The following PTPRA variants were observed in gnomAD, a reference collection of about 807,000 sequenced individuals.
PTPRA encodes protein tyrosine phosphatase receptor type A.
In PTPRA, 25 loss-of-function variants were observed where a neutral mutation model predicts 104.8. The observed-to-expected ratio is 0.24, with a 90% CI of 0.17 to 0.33. PTPRA has a LOEUF of 0.33. PTPRA is among the 10% of genes least tolerant of loss of function. The pLI, the probability that PTPRA is intolerant of heterozygous loss-of-function variation, is 1.00. For synonymous variants in PTPRA, 323 were observed against 368.9 expected (o/e 0.88, Z 1.43); for missense variants, 765 against 1,015.3 (o/e 0.75, Z 3.35).
intron 2 of PTPRA, among the ~76,000 whole-genome samples, chr20:2,943,151 G>A (rs896689040): frequency 4.0e-5 from 6 of 150,748 alleles, no homozygotes; most frequent in South Asian, 4.2e-4. Context: ...TACAGTTTAC[G>A]TAGGGTTCAG....
intron 13 of PTPRA, among the ~76,000 whole-genome samples, chr20:3,019,667 G>C (rs957782192): frequency 1.3e-5 from 2 of 152,172 alleles, no homozygotes; most frequent in Non-Finnish European, 2.9e-5. Flanking sequence ...CTTCCCAGAC[G>C]GGGTGGCGGC....
At chr20:2,878,964 G>T (rs2089899801) in intron 1 of PTPRA, among the ~76,000 whole-genome samples, 1 of 152,218 alleles carries the variant, frequency 6.6e-6, no homozygotes, top group East Asian at 1.9e-4. Flanking sequence ...TTTAGAATAG[G>T]ATCATAGCAG....
chr20:2,882,225 T>A (rs2090095255), intron 1 of PTPRA, among the ~76,000 whole-genome samples: 1 of 152,266 alleles, frequency 6.6e-6, no homozygotes, highest in South Asian at 2.1e-4. Context: ...TATACGGTTA[T>A]AAAAGTACAG....
At chr20:2,928,019 A>G (rs950928993) in intron 2 of PTPRA, among the ~76,000 whole-genome samples, 3 of 151,420 alleles carry the variant, frequency 2.0e-5, no homozygotes, top group Non-Finnish European at 4.4e-5. Flanking sequence ...CAGTCAATCA[A>G]TCAGTCAATC....
chr20:2,866,754 CAGCCTA>C, the PTPRA span: 7 of 928,304 alleles, frequency 7.5e-6, no homozygotes, highest in Non-Finnish European at 1.1e-5. Context: ...TTACACAGTC[CAGCCTA>C]AGCAAAGGCA....
At chr20:2,925,261 C>T (rs1307374791) in intron 2 of PTPRA, among the ~76,000 whole-genome samples, 1 of 152,094 alleles carries the variant, frequency 6.6e-6, no homozygotes, top group Admixed American at 6.6e-5. Context: ...TAATAGTTAC[C>T]TCGTATAAGT....
At chr20:2,943,838 T>G (rs1299658384) in intron 2 of PTPRA, among the ~76,000 whole-genome samples, 1 of 152,154 alleles carries the variant, frequency 6.6e-6, no homozygotes, top group African/African-American at 2.4e-5. Context: ...TTCTAAAGTT[T>G]AAGAAAAAGT....
At chr20:2,935,358 G>A (rs1361610012) in intron 2 of PTPRA, among the ~76,000 whole-genome samples, 3 of 152,076 alleles carry the variant, frequency 2.0e-5, no homozygotes, top group African/African-American at 7.2e-5. Flanking sequence ...GTTCCATTGT[G>A]TATGTATGCC....
chr20:2,972,786 C>T (rs540281055), intron 5 of PTPRA, among the ~76,000 whole-genome samples: 37 of 151,994 alleles, frequency 2.4e-4, no homozygotes, highest in African/African-American at 7.7e-4. Flanking sequence ...GGCATGATCT[C>T]GGCTCATTGC....
At chr20:3,008,068 A>G (rs2063961086) in intron 11 of PTPRA, among the ~76,000 whole-genome samples, 2 of 152,216 alleles carry the variant, frequency 1.3e-5, no homozygotes, top group Non-Finnish European at 2.9e-5. Context: ...CATCCTGTAG[A>G]GAGAGTGAAT....
chr20:2,935,042 A>G (rs1482182008), intron 2 of PTPRA, among the ~76,000 whole-genome samples: 2 of 152,198 alleles, frequency 1.3e-5, no homozygotes, highest in Admixed American at 6.5e-5. Context: ...TTTTAAAAAT[A>G]CATACAATAT....
intron 3 of PTPRA, among the ~76,000 whole-genome samples, chr20:2,963,689 T>C (rs2061840836): frequency 6.6e-6 from 1 of 152,166 alleles, no homozygotes; most frequent in African/African-American, 2.4e-5. Flanking sequence ...TTGAAACTTT[T>C]TGAGCGCAGA....
intron 9 of PTPRA, among the ~76,000 whole-genome samples, chr20:3,001,680 G>T (rs2063633821): frequency 6.6e-6 from 1 of 152,206 alleles, no homozygotes; most frequent in African/African-American, 2.4e-5. Context: ...GCGTGTGTAA[G>T]AGTCCAGCCC....
At chr20:2,963,569 G>A (rs1029997906) in intron 3 of PTPRA, among the ~76,000 whole-genome samples, 2 of 151,930 alleles carry the variant, frequency 1.3e-5, no homozygotes, top group African/African-American at 4.8e-5. Flanking sequence ...ACTCCAGCCC[G>A]GGCGACAGTG....
rs1436645022 is a variant in PTPRA at position 2,935,452 on chromosome 20, A to G, written c.-50+12167A>G. On this transcript the variant is annotated intron_variant, in intron 2 of 23. Transcript: ENST00000399903. The stretch of plus-strand genomic sequence containing the variant: ...CTTAGCTATTGTGAATAATGCTGCA[A>G]TGAACATAGTAGTACAGATATCTCT... Among the ~76,000 whole-genome samples the G allele has an allele frequency of 2.6e-5, 4 of 152,250 alleles. No homozygotes were observed. In the East Asian group the frequency reaches 7.7e-4, roughly 29 times the overall value.
chr20:2,889,201 CTTGTTA>C (rs2058705673), intron 1 of PTPRA, among the ~76,000 whole-genome samples: 2 of 152,026 alleles, frequency 1.3e-5, no homozygotes, highest in African/African-American at 4.8e-5. Flanking sequence ...TTCTTTTAGT[CTTGTTA>C]TTGTACTTGT....
In PTPRA at chr20:3,035,428, T is replaced by C. The variant is rs190614300; in HGVS notation, c.1921-157T>C. On this transcript the variant is annotated intron_variant, in intron 20 of 23. Transcript: ENST00000399903. The surrounding 1 kb of genome is among the most constrained non-coding windows in gnomAD (Gnocchi z 5.8). The stretch of plus-strand genomic sequence containing the variant: ...GAGGATCGGAGGTTAATTGGAATGA[T>C]GTGATATAATGATCCTGCAAGTTTT... Among the ~76,000 whole-genome samples the C allele has an allele frequency of 1.3e-5, 2 of 152,292 alleles. No individual in the cohort carries two copies. The highest frequency in any genetic ancestry group is 1.3e-4 in the Admixed American group (2 of 15,292).
chr20:2,973,812 T>C (rs2062299032), intron 5 of PTPRA, among the ~76,000 whole-genome samples: 1 of 152,110 alleles, frequency 6.6e-6, no homozygotes, highest in Admixed American at 6.6e-5. Flanking sequence ...GGTGCTCAGC[T>C]AAAAAACAAA....
intron 1 of PTPRA, among the ~76,000 whole-genome samples, chr20:2,886,525 G>C (rs2090394081): frequency 6.6e-6 from 1 of 152,058 alleles, no homozygotes; most frequent in South Asian, 2.1e-4. Flanking sequence ...AAGAGTTTTA[G>C]TGGATTTCAT....
Sources: gnomAD v4.1 joint callset for allele counts (sites outside exome capture counted in the v4.1 genomes callset) on GRCh38, gnomAD v4.1.1 for gene constraint, Gnocchi (gnomAD v3.1) non-coding constraint, MANE v1.5 for transcripts, NCBI Gene and HGNC (gene_info 2026-07-23, HGNC 2026-07-21) for gene names.